Variants in TMEM267 observed in about 807,000 individuals in gnomAD.
TMEM267 encodes transmembrane protein 267.
In TMEM267, 20 loss-of-function variants were observed where a neutral mutation model predicts 19.3. The observed-to-expected ratio is 1.04, with a 90% CI of 0.73 to 1.51. The LOEUF is 1.51. TMEM267 is among the 40% of genes most tolerant of loss of function. TMEM267 has a pLI of 0.00. For missense variants in TMEM267, 242 were observed against 261.9 expected (o/e 0.92, Z 0.52); for synonymous variants, 88 against 90.3 (o/e 0.97, Z 0.15).
At chr5:43,473,171 T>C (rs1344777131) in intron 1 of TMEM267, among the ~76,000 whole-genome samples, 1 of 137,752 alleles carries the variant, frequency 7.3e-6, no homozygotes, top group South Asian at 2.2e-4. Flanking sequence ...ATAGAAAGAA[T>C]GAGTAAGACC....
At chr5:43,470,777 A>C (rs1450510765) in intron 1 of TMEM267, among the ~76,000 whole-genome samples, 1 of 152,174 alleles carries the variant, frequency 6.6e-6, no homozygotes, top group Non-Finnish European at 1.5e-5. Flanking sequence ...AAGGCAACCA[A>C]ATTGGAAAGG....
At chr5:43,482,069 T>A (rs1010533412) in intron 1 of TMEM267, among the ~76,000 whole-genome samples, 5 of 152,164 alleles carry the variant, frequency 3.3e-5, no homozygotes, top group African/African-American at 1.2e-4. Context: ...GGTCTCGATC[T>A]CCTGATCTCG....
intron 2 of TMEM267, among the ~76,000 whole-genome samples, chr5:43,451,842 A>C (rs531112187): frequency 6.6e-6 from 1 of 152,272 alleles, no homozygotes; most frequent in African/African-American, 2.4e-5. Flanking sequence ...TGGGAGGTTG[A>C]GGCGGGAGGA....
chr5:43,450,824 T>TTTTTG (rs896794345), intron 2 of TMEM267, among the ~76,000 whole-genome samples: 7 of 152,154 alleles, frequency 4.6e-5, no homozygotes, highest in African/African-American at 1.4e-4. Context: ...TTTATTGTTT[T>TTTTTG]TTTTGTTTTG....
intron 1 of TMEM267, among the ~76,000 whole-genome samples, chr5:43,482,676 CAT>C (rs1331699589): frequency 3.3e-5 from 5 of 152,214 alleles, no homozygotes; most frequent in African/African-American, 1.2e-4. Context: ...ACATAACTGA[CAT>C]ATTATAAATT....
intron 1 of TMEM267, among the ~76,000 whole-genome samples, chr5:43,480,994 C>T (rs1214373747): frequency 2.0e-5 from 3 of 150,654 alleles, no homozygotes; most frequent in Non-Finnish European, 4.4e-5. Context: ...TTACTAGAGA[C>T]GGGGTTTCAC....
chr5:43,477,501 G>C (rs927176059), intron 1 of TMEM267, among the ~76,000 whole-genome samples: 1 of 146,906 alleles, frequency 6.8e-6, no homozygotes, highest in African/African-American at 2.5e-5. Flanking sequence ...AGCTGAGGCA[G>C]AAGAATCGCT....
chr5:43,462,063 A>T (rs527259555), intron 1 of TMEM267, among the ~76,000 whole-genome samples: 2 of 152,174 alleles, frequency 1.3e-5, no homozygotes, highest in Non-Finnish European at 2.9e-5. Flanking sequence ...GGGTTACTTC[A>T]CCCTAGCTTT....
intron 1 of TMEM267, chr5:43,476,135 C>G (rs969570524): frequency 2.0e-5 from 3 of 152,264 alleles, no homozygotes; most frequent in African/African-American, 7.2e-5. Context: ...GGGGAAGAAG[C>G]TGGACCTGCA....
intron 1 of TMEM267, among the ~76,000 whole-genome samples, chr5:43,481,198 G>C (rs1423956905): frequency 6.8e-6 from 1 of 146,074 alleles, no homozygotes; most frequent in East Asian, 2.0e-4. Context: ...TTGAACTCAT[G>C]GGCTCCTGCT....
At chr5:43,466,757 C>CA (rs1743706737) in intron 1 of TMEM267, among the ~76,000 whole-genome samples, 2 of 151,598 alleles carry the variant, frequency 1.3e-5, no homozygotes, top group South Asian at 4.2e-4. Context: ...AACCTCAAAC[C>CA]AAAAAACATG....
At chr5:43,476,485 C>T (rs1339624092) in intron 1 of TMEM267, among the ~76,000 whole-genome samples, 1 of 137,344 alleles carries the variant, frequency 7.3e-6, no homozygotes, top group Non-Finnish European at 1.5e-5. Context: ...TTTGATGGAT[C>T]CTAACTGATA....
At position 43,465,270 on chromosome 5, in the gene TMEM267, C is replaced by G. The variant is rs529005678; in HGVS notation, c.-74-11227G>C. ...AACCACAATGAGATACCATCTCACA[C>G]CAGTTAGAATGGCAATCATTCAAAA... On this transcript the variant is annotated intron_variant, in intron 1 of 2. Coordinates refer to ENST00000397080, the MANE Select transcript of TMEM267 (RefSeq NM_022483.5). Among the ~76,000 whole-genome samples, 1,113 of 152,278 alleles carry G rather than the reference C, an allele frequency of 7.3e-3. 13 individuals carry two copies. Among genetic ancestry groups the G allele is most frequent in the African/African-American group, 0.026 (1,067 of 41,546 alleles).
intron 1 of TMEM267, chr5:43,479,811 T>C (rs1744654229): frequency 4.9e-6 from 2 of 404,694 alleles, no homozygotes; most frequent in South Asian, 1.8e-5. Context: ...CTATAGATTC[T>C]TCCAGGATCT....
chr5:43,456,010 A>G (rs1180490427), intron 1 of TMEM267, among the ~76,000 whole-genome samples: 1 of 151,186 alleles, frequency 6.6e-6, no homozygotes, highest in Non-Finnish European at 1.5e-5. Flanking sequence ...TTTTTTTTCA[A>G]AGAGACAAGG....
chr5:43,465,438 T>C (rs1184821021), intron 1 of TMEM267, among the ~76,000 whole-genome samples: 3 of 152,182 alleles, frequency 2.0e-5, no homozygotes, highest in African/African-American at 7.2e-5. Context: ...AGAAATACCA[T>C]TTGACCCAGC....
intron 1 of TMEM267, among the ~76,000 whole-genome samples, chr5:43,483,607 C>A (rs983614138): frequency 6.6e-6 from 1 of 152,186 alleles, no homozygotes. Flanking sequence ...ACCCCAGGGC[C>A]GCGGGACGGT....
rs1363320525 is a variant in TMEM267 at position 43,446,556 on chromosome 5, G to T, written c.314C>A (p.Ala105Asp). The change falls in exon 3 of 3, where the codon GCT (alanine) becomes GAT (aspartate). Residue 105 changes from alanine (A) to aspartate (D), a missense_variant and splice_region_variant. Physicochemically the swap from Ala to Asp is moderately radical, Grantham distance 126. Transcript: ENST00000397080. ...FFLAGSMSLKAALTLPRRPFL... is the reference protein window; with the variant it reads ...FFLAGSMSLKDALTLPRRPFL... Reference sequence around the variant, plus strand: ...AGGTCTTCGCGGGAGAGTCAAAGCAGCCTGAGGGAGCAAAGTAATAGCGAG... The same window carrying T: ...AGGTCTTCGCGGGAGAGTCAAAGCATCCTGAGGGAGCAAAGTAATAGCGAG... 1.9e-6 allele frequency: 3 copies of T among 1,593,558 alleles called. No homozygotes were observed. The highest frequency in any genetic ancestry group is 2.6e-6 in the Non-Finnish European group (3 of 1,167,500).
chr5:43,453,636 A>G, intron 2 of TMEM267, 22 bp downstream of exon 2: 1 of 1,593,492 alleles, frequency 6.3e-7, no homozygotes, highest in Non-Finnish European at 8.5e-7. Context: ...AAGATCAGAA[A>G]AATTAAGCCT....
Sources: allele counts gnomAD v4.1 joint callset (sites outside exome capture counted in the v4.1 genomes callset), GRCh38; gene constraint gnomAD v4.1.1; transcripts MANE v1.5; gene names NCBI Gene and HGNC (gene_info 2026-07-23, HGNC 2026-07-21).